TTLL11: variants seen among roughly 807,000 people sequenced by gnomAD.
TTLL11 encodes the protein tubulin tyrosine ligase like 11.
Under a neutral mutation model 51.7 loss-of-function variants are expected in TTLL11, and 42 were observed. The observed-to-expected ratio is 0.81, with a 90% CI of 0.64 to 1.05. TTLL11 has a LOEUF of 1.05. Among genes scored for constraint, TTLL11 ranks in the 50% least tolerant of loss-of-function variants. TTLL11 has a pLI of 0.00. For synonymous variants in TTLL11, 381 were observed against 383.5 expected, an observed-to-expected ratio of 0.99 and a Z score of 0.08; for missense variants, 799 against 940.4, an observed-to-expected ratio of 0.85 and a Z score of 1.97.
chr9:121,827,628 GCACGC>G, intron 8 of TTLL11, among the ~76,000 whole-genome samples: 1 of 152,310 alleles, frequency 6.6e-6, no homozygotes, highest in Non-Finnish European at 1.5e-5. Context: ...GCCCCAAACT[GCACGC>G]CATGAGCATA....
rs899671903 is a variant in TTLL11 at position 121,817,034 on chromosome 9, G to A, written c.*5553C>T. The A allele has an allele frequency of 2.6e-5, 4 of 152,184 alleles. No homozygotes were observed. Among genetic ancestry groups the A allele is most frequent in the Non-Finnish European group, 5.9e-5 (4 of 68,040 alleles). The allele number at this position is 152,184 out of a possible 1,614,324, so 9.4% of individuals were successfully genotyped here. On this transcript the variant is annotated 3_prime_UTR_variant, in exon 9 of 9. Transcript: ENST00000321582. ...AGGAGGACAGCGCTCTCAGCCATGG[G>A]GAATGCCAGCTCCCTGCCGGGAGAG... is the stretch of plus-strand genomic sequence containing the variant.
Position 122,093,300 on chromosome 9 carries a change from G to A in TTLL11, c.-152C>T. ...ATGATCGCTCAGGCTCGGGTTGACA[G>A]CGGCAGTCACCGCATCGAGACGGGG... On this transcript the variant is annotated 5_prime_UTR_variant, in exon 1 of 9. Coordinates refer to ENST00000321582, the MANE Select transcript of TTLL11 (RefSeq NM_001139442.2). 1 of 1,576,496 alleles carries A rather than the reference G, an allele frequency of 6.3e-7. No homozygotes were observed. Among genetic ancestry groups the A allele is most frequent in the Non-Finnish European group, 8.5e-7 (1 of 1,169,916 alleles).
chr9:121,992,927 G>A (rs1027260672), intron 3 of TTLL11, among the ~76,000 whole-genome samples: 1 of 152,162 alleles, frequency 6.6e-6, no homozygotes, highest in Non-Finnish European at 1.5e-5. Context: ...CACTACAAAT[G>A]AAATATTATT....
chr9:121,965,217 A>C (rs551017740), intron 6 of TTLL11, among the ~76,000 whole-genome samples: 11 of 152,288 alleles, frequency 7.2e-5, no homozygotes, highest in African/African-American at 2.6e-4. Context: ...CTCATGTATT[A>C]GTCTGTTTTC....
intron 4 of TTLL11, among the ~76,000 whole-genome samples, chr9:121,985,016 G>A (rs1257271621): frequency 6.6e-6 from 1 of 152,190 alleles, no homozygotes; most frequent in Non-Finnish European, 1.5e-5. Context: ...CAGATTACAG[G>A]AAACCTGCCC....
At chr9:121,951,715 G>A (rs189928463) in intron 6 of TTLL11, among the ~76,000 whole-genome samples, 16 of 152,164 alleles carry the variant, frequency 1.1e-4, no homozygotes, top group Non-Finnish European at 2.2e-4. Flanking sequence ...TGGACCTCCC[G>A]CAGGAAAGAA....
At chr9:122,087,174 C>A (rs376749305) in intron 1 of TTLL11, among the ~76,000 whole-genome samples, 98 of 151,970 alleles carry the variant, frequency 6.4e-4, no homozygotes, top group African/African-American at 2.2e-3. Context: ...AGGGTTTTTG[C>A]AAGGATTAAA....
chr9:122,049,351 C>G (rs1412741323), intron 1 of TTLL11, among the ~76,000 whole-genome samples: 1 of 152,092 alleles, frequency 6.6e-6, no homozygotes, highest in Non-Finnish European at 1.5e-5. Flanking sequence ...ATGAGGGTAC[C>G]AAGTGCTAGG....
intron 6 of TTLL11, among the ~76,000 whole-genome samples, chr9:121,893,634 G>C (rs1261389916): frequency 6.6e-6 from 1 of 152,132 alleles, no homozygotes; most frequent in African/African-American, 2.4e-5. Context: ...AGGAAGAACT[G>C]GGGATAGTTT....
chr9:121,998,785 A>C lies in TTLL11; in HGVS notation c.694-9015T>G, dbSNP rs539875861. The stretch of plus-strand genomic sequence containing the variant: ...TACATGAGATCTAATCCTACAAGAC[A>C]GGCAATAGCATTTTCATTCACTTAT... On this transcript the variant is annotated intron_variant, in intron 3 of 8. Transcript: ENST00000321582. Among the ~76,000 whole-genome samples the C allele has an allele frequency of 2.0e-5, 3 of 152,250 alleles. No homozygotes were observed. In the East Asian group the frequency reaches 5.8e-4, roughly 29 times the overall value.
chr9:122,035,438 C>G (rs865936698), intron 2 of TTLL11, among the ~76,000 whole-genome samples: 8 of 152,316 alleles, frequency 5.3e-5, no homozygotes, highest in Middle Eastern at 3.4e-3. Context: ...TGGTGGGTCT[C>G]ACCCCATTCA....
chr9:121,829,197 A>G (rs1211497908), intron 8 of TTLL11, among the ~76,000 whole-genome samples: 2 of 151,746 alleles, frequency 1.3e-5, no homozygotes, highest in Non-Finnish European at 2.9e-5. Flanking sequence ...AAAGCAATCC[A>G]CCCACCTCAG....
intron 6 of TTLL11, among the ~76,000 whole-genome samples, chr9:121,932,044 C>A (rs911141036): frequency 1.7e-4 from 26 of 152,196 alleles, no homozygotes; most frequent in African/African-American, 6.0e-4. Flanking sequence ...CCCACTTCTG[C>A]CCCATAGCCT....
At chr9:122,036,146 C>T (rs1844693278) in intron 2 of TTLL11, among the ~76,000 whole-genome samples, 2 of 152,080 alleles carry the variant, frequency 1.3e-5, no homozygotes, top group Admixed American at 1.3e-4. Context: ...CTTCCTCCAG[C>T]AAAGCCCCTA....
intron 1 of TTLL11, among the ~76,000 whole-genome samples, chr9:122,044,862 C>G (rs1718879711): frequency 6.6e-6 from 1 of 152,048 alleles, no homozygotes; most frequent in Non-Finnish European, 1.5e-5. Context: ...GTAATCACAG[C>G]ACTTTGGGAG....
chr9:121,859,477 C>G (rs1299305145), intron 8 of TTLL11, among the ~76,000 whole-genome samples: 1 of 152,136 alleles, frequency 6.6e-6, no homozygotes, highest in African/African-American at 2.4e-5. Flanking sequence ...ACCACTCCAG[C>G]CTGGGCAACA....
At chr9:121,966,411 A>G (rs1299718702) in intron 6 of TTLL11, among the ~76,000 whole-genome samples, 1 of 152,214 alleles carries the variant, frequency 6.6e-6, no homozygotes, top group Non-Finnish European at 1.5e-5. Flanking sequence ...TTCTTGAGAA[A>G]GGAGTCCAGT....
chr9:122,061,534 T>G (rs1235274448), intron 1 of TTLL11, among the ~76,000 whole-genome samples: 1 of 152,264 alleles, frequency 6.6e-6, no homozygotes, highest in Non-Finnish European at 1.5e-5. Context: ...CACTAAATAT[T>G]GCTAAATATT....
chr9:122,040,653 T>C (rs1307589558), intron 1 of TTLL11, among the ~76,000 whole-genome samples: 2 of 151,848 alleles, frequency 1.3e-5, no homozygotes, highest in Admixed American at 6.6e-5. Flanking sequence ...CAAGGTCCAA[T>C]GGAAGAACAT....
Sources: gnomAD v4.1 joint callset for allele counts (sites outside exome capture counted in the v4.1 genomes callset) on GRCh38, gnomAD v4.1.1 for gene constraint, MANE v1.5 for transcripts, NCBI Gene and HGNC (gene_info 2026-07-23, HGNC 2026-07-21) for gene names.